Variants in NFATC2 observed in about 807,000 individuals in gnomAD.
NFATC2 encodes nuclear factor of activated T cells 2, also known as nuclear factor of activated T-cells, cytoplasmic 2.
In NFATC2, 22 loss-of-function variants were observed where a neutral mutation model predicts 87.3. That is an observed-to-expected ratio of 0.25 (90% confidence interval 0.18 to 0.36). NFATC2 has a LOEUF of 0.36. Ranked by LOEUF, NFATC2 falls within the 10% of genes least tolerant of loss-of-function variation. NFATC2 has a pLI of 1.00. For missense variants in NFATC2, 1,149 were observed against 1,259.1 expected (o/e 0.91, Z 1.32); for synonymous variants, 565 against 542.2 (o/e 1.04, Z -0.58).
At chr20:51,515,975 C>T (rs2076345031) in intron 3 of NFATC2, among the ~76,000 whole-genome samples, 1 of 151,844 alleles carries the variant, frequency 6.6e-6, no homozygotes, top group South Asian at 2.1e-4. Context: ...AAGGCAAATA[C>T]CAAAAAAAGT....
At position 51,427,420 on chromosome 20, in the gene NFATC2, A is replaced by C. The variant is rs6091318; in HGVS notation, c.2722+4647T>G. 3.3e-3 allele frequency among the ~76,000 whole-genome samples: 499 copies of C among 152,286 alleles called. 5 individuals are homozygous for C. The highest frequency in any genetic ancestry group is 0.011 in the African/African-American group (474 of 41,554). ...ACCTGTGTATTGATCACATTTGGGC[A>C]ATTCCAGTTGCATTTTAAGTAACCG... is the stretch of plus-strand genomic sequence containing the variant. On this transcript the variant is annotated intron_variant, in intron 9 of 10. Transcript: ENST00000371564.
intron 3 of NFATC2, among the ~76,000 whole-genome samples, chr20:51,490,860 G>A (rs1020416160): frequency 6.6e-5 from 10 of 152,146 alleles, no homozygotes; most frequent in Non-Finnish European, 4.4e-5. Flanking sequence ...CTTTCCCAGG[G>A]AACCATGGTT....
At chr20:51,507,499 C>T (rs1185230602) in intron 3 of NFATC2, among the ~76,000 whole-genome samples, 1 of 152,178 alleles carries the variant, frequency 6.6e-6, no homozygotes, top group African/African-American at 2.4e-5. Context: ...GAAAGAACAA[C>T]AGATGAAATG....
chr20:51,509,800 C>G (rs147807902), intron 3 of NFATC2, among the ~76,000 whole-genome samples: 108 of 152,350 alleles, frequency 7.1e-4, no homozygotes, highest in African/African-American at 2.5e-3. Context: ...TGAAATCCAA[C>G]AGAATGAGCA....
chr20:51,397,789 G>A (rs1368301466), intron 10 of NFATC2, among the ~76,000 whole-genome samples: 4 of 152,176 alleles, frequency 2.6e-5, no homozygotes, highest in Non-Finnish European at 5.9e-5. Context: ...GCTCCCCTGG[G>A]TGTACTAATA....
intron 3 of NFATC2, among the ~76,000 whole-genome samples, chr20:51,508,967 C>T (rs1387031011): frequency 6.6e-6 from 1 of 152,130 alleles, no homozygotes; most frequent in Non-Finnish European, 1.5e-5. Context: ...CCAGCTCCCG[C>T]CTCGCTCAGA....
At chr20:51,430,136 G>A (rs1246687272) in intron 9 of NFATC2, among the ~76,000 whole-genome samples, 1 of 152,184 alleles carries the variant, frequency 6.6e-6, no homozygotes, top group Non-Finnish European at 1.5e-5. Context: ...CTTTAACAAG[G>A]GATGGACAGG....
chr20:51,432,298 T>C lies in NFATC2; in HGVS notation c.2491A>G (p.Ile831Val), dbSNP rs1982848932. 2 of 1,614,214 alleles carry C rather than the reference T, an allele frequency of 1.2e-6. No individual in the cohort carries two copies. Among genetic ancestry groups the C allele is most frequent in the Non-Finnish European group, 1.7e-6 (2 of 1,180,046 alleles). The change falls in exon 9 of 11, where the codon ATC becomes GTC. Residue 831 changes from isoleucine to valine, a missense_variant. Ile to Val is a conservative substitution (Grantham distance 29). Coordinates refer to ENST00000371564, the MANE Select transcript of NFATC2 (RefSeq NM_012340.5). The surrounding 1 kb of genome is among the most constrained non-coding windows in gnomAD (Gnocchi z 4.6). ...GGTGCGAAATTCTCGCAGTACATGA[T>C]GTGCTGGAACTCCTGGTGGCTTCCG... ...RCGSHQEFQH[I>V]MYCENFAPGT...
chr20:51,422,046 T>C (rs1288636888), intron 9 of NFATC2, among the ~76,000 whole-genome samples: 2 of 152,208 alleles, frequency 1.3e-5, no homozygotes, highest in Non-Finnish European at 2.9e-5. Flanking sequence ...ACCTCTACTT[T>C]GCCCAGAGTT....
Position 51,558,470 on chromosome 20 carries a change from G to A in NFATC2, c.70+4090C>T, listed in dbSNP as rs369210906. On this transcript the variant is annotated intron_variant, in intron 1 of 10. Coordinates refer to the NFATC2 transcript ENST00000414705. ...AGAAAGTATTTAGTAATTGGATTTAGGCATTGGTTTTTTTGGGGGGGGGCG... is the reference window on the plus strand; with the variant it reads ...AGAAAGTATTTAGTAATTGGATTTAAGCATTGGTTTTTTTGGGGGGGGGCG... Among the ~76,000 whole-genome samples, 41 of 151,934 alleles carry A rather than the reference G, an allele frequency of 2.7e-4. No homozygotes were observed. In the South Asian group the frequency reaches 8.5e-3, roughly 32 times the overall value.
chr20:51,548,084 C>T (rs538119697), intron 1 of NFATC2, among the ~76,000 whole-genome samples: 79 of 152,268 alleles, frequency 5.2e-4, no homozygotes, highest in African/African-American at 1.8e-3. Context: ...TAAGCTACGT[C>T]CCACCTGACT....
At chr20:51,493,490 G>T (rs1322098136) in intron 3 of NFATC2, among the ~76,000 whole-genome samples, 2 of 152,156 alleles carry the variant, frequency 1.3e-5, no homozygotes, top group Non-Finnish European at 2.9e-5. Context: ...ATTTACAGAG[G>T]GAATGTCCCA....
chr20:51,479,252 T>G (rs1989023081), intron 3 of NFATC2, among the ~76,000 whole-genome samples: 1 of 152,230 alleles, frequency 6.6e-6, no homozygotes, highest in Non-Finnish European at 1.5e-5. Flanking sequence ...AACGTGAGTT[T>G]CACAGCAGTA....
intron 9 of NFATC2, among the ~76,000 whole-genome samples, chr20:51,416,284 A>T (rs1980030703): frequency 6.6e-6 from 1 of 152,154 alleles, no homozygotes; most frequent in African/African-American, 2.4e-5. Context: ...AATCCCAGAG[A>T]TAGCTGAGGG....
intron 9 of NFATC2, among the ~76,000 whole-genome samples, chr20:51,404,109 C>G (rs1389579918): frequency 1.3e-5 from 2 of 151,610 alleles, no homozygotes; most frequent in African/African-American, 4.9e-5. Flanking sequence ...AGGAGGCCCT[C>G]TTTTTCCTCT....
chr20:51,446,017 A>C (rs1407274012), intron 6 of NFATC2, among the ~76,000 whole-genome samples: 1 of 152,198 alleles, frequency 6.6e-6, no homozygotes, highest in African/African-American at 2.4e-5. Flanking sequence ...GGAACCAGGA[A>C]GTTGGGGTTT....
At chr20:51,406,743 C>T (rs948168925) in intron 9 of NFATC2, among the ~76,000 whole-genome samples, 3 of 152,198 alleles carry the variant, frequency 2.0e-5, no homozygotes, top group Non-Finnish European at 2.9e-5. Context: ...CTGCAGCCCA[C>T]GTAAGCCATC....
At chr20:51,444,058 T>G (rs2146386077) in intron 6 of NFATC2, among the ~76,000 whole-genome samples, 1 of 152,298 alleles carries the variant, frequency 6.6e-6, no homozygotes, top group South Asian at 2.1e-4. Context: ...CTCAGCTCAC[T>G]GCAACCTCCA....
At chr20:51,538,727 A>G (rs1453583402) in intron 1 of NFATC2, among the ~76,000 whole-genome samples, 4 of 152,220 alleles carry the variant, frequency 2.6e-5, no homozygotes, top group African/African-American at 9.6e-5. Flanking sequence ...ACCACTAGTA[A>G]CAGATCACAT....
Sources: allele counts gnomAD v4.1 joint callset (sites outside exome capture counted in the v4.1 genomes callset), GRCh38; gene constraint gnomAD v4.1.1; non-coding constraint Gnocchi (gnomAD v3.1); transcripts MANE v1.5; gene names NCBI Gene and HGNC (gene_info 2026-07-23, HGNC 2026-07-21).